PCSK5: variants seen among roughly 807,000 people sequenced by gnomAD.
The protein encoded by PCSK5 is prohormone convertase 5.
In PCSK5, 129 loss-of-function variants were observed where a neutral mutation model predicts 233.2. The observed-to-expected ratio is 0.55, with a 90% confidence interval of 0.48 to 0.64. The LOEUF (loss-of-function observed/expected upper bound fraction) is 0.64, where lower values mean the gene tolerates loss of function less well. Among genes scored for constraint, PCSK5 ranks in the 30% least tolerant of loss-of-function variants. The pLI is 0.00. For missense variants in PCSK5, 2,076 were observed against 2,430.1 expected (o/e 0.85, Z 3.06); for synonymous variants, 825 against 879.2 (o/e 0.94, Z 1.09).
At chr9:76,020,728 G>A (rs1002638734) in intron 3 of PCSK5, among the ~76,000 whole-genome samples, 2 of 152,310 alleles carry the variant, frequency 1.3e-5, no homozygotes, top group Admixed American at 6.5e-5. Context: ...CATGTTTTCC[G>A]TAGACGGCTG....
At position 76,160,443 on chromosome 9, in the gene PCSK5, T is replaced by C. The variant is rs766847636; in HGVS notation, c.1619+1272T>C. On this transcript the variant is annotated intron_variant, in intron 12 of 37. Transcript: ENST00000674117. Reference sequence around the variant, plus strand: ...AAGCCTAAAGCTTCTTTGATTTTTTTTTCTCTCAGAAGAACATTTAATGGG... The same window carrying C: ...AAGCCTAAAGCTTCTTTGATTTTTTCTTCTCTCAGAAGAACATTTAATGGG... 4.1e-4 allele frequency among the ~76,000 whole-genome samples: 63 copies of C among 152,332 alleles called. 1 individual carries two copies. Among genetic ancestry groups the C allele is most frequent in the Non-Finnish European group, 6.6e-4 (45 of 68,036 alleles).
intron 22 of PCSK5, among the ~76,000 whole-genome samples, chr9:76,237,662 G>T (rs1826293594): frequency 6.6e-6 from 1 of 151,956 alleles, no homozygotes. Flanking sequence ...TGTGGTTCTA[G>T]CTACTTGAAA....
chr9:76,035,397 T>A lies in PCSK5; in HGVS notation c.632+8360T>A, dbSNP rs117612278. ...CTTTGTAAAACAATGCATTAATTAT[T>A]CCCAGGCTCGTAATCATGATGATGC... On this transcript the variant is annotated intron_variant, in intron 5 of 37. Transcript: ENST00000674117. Among the ~76,000 whole-genome samples the A allele has an allele frequency of 9.4e-3, 1,436 of 152,292 alleles. 6 individuals are homozygous for A. Among genetic ancestry groups the A allele is most frequent in the Middle Eastern group, 0.058 (17 of 294 alleles).
At chr9:75,997,908 C>A (rs1827090643) in intron 3 of PCSK5, among the ~76,000 whole-genome samples, 1 of 152,168 alleles carries the variant, frequency 6.6e-6, no homozygotes, top group Admixed American at 6.5e-5. Flanking sequence ...TGTTCTACTT[C>A]TTTTCTCTTT....
intron 27 of PCSK5, 48 bp downstream of exon 27, chr9:76,296,913 T>A: frequency 8.3e-7 from 1 of 1,202,380 alleles, no homozygotes; most frequent in South Asian, 1.2e-5. Flanking sequence ...CGACCTACTC[T>A]GCTTCCCTCC....
chr9:76,270,951 C>T (rs1361520692), intron 24 of PCSK5, among the ~76,000 whole-genome samples: 2 of 152,040 alleles, frequency 1.3e-5, no homozygotes, highest in East Asian at 1.9e-4. Context: ...GTTTACTCAC[C>T]CCTAAAATGA....
Position 76,332,637 on chromosome 9 carries a change from T to C in PCSK5, c.4748+27T>C, listed in dbSNP as rs758454329. On this transcript the variant is annotated intron_variant, in intron 34 of 37. Transcript: ENST00000674117. ...TAAGTGCTCAATACATTTTCCCCCA[T>C]GTAATTTCACAGCCACAGCAGATAT... 5.3e-6 allele frequency: 8 copies of C among 1,498,472 alleles called. 1 individual carries two copies. The highest frequency in any genetic ancestry group is 4.2e-5 in the African/African-American group (3 of 72,094). 92.8% of individuals were successfully genotyped at this position (1,498,472 alleles called of 1,614,324 possible). A position where few individuals can be genotyped will look rare whatever the true frequency, so the allele number is the denominator to read the frequency against.
At chr9:76,312,625 GA>G (rs1489257300) in intron 30 of PCSK5, among the ~76,000 whole-genome samples, 2 of 151,718 alleles carry the variant, frequency 1.3e-5, no homozygotes, top group African/African-American at 2.4e-5. Context: ...TATAAATATA[GA>G]GTATAAATAT....
intron 28 of PCSK5, among the ~76,000 whole-genome samples, chr9:76,303,546 G>A (rs988251919): frequency 6.6e-6 from 1 of 152,118 alleles, no homozygotes; most frequent in Non-Finnish European, 1.5e-5. Flanking sequence ...CTGAAGCCTG[G>A]ACATAGAACA....
At position 76,359,104 on chromosome 9, in the gene PCSK5, A is replaced by C; in HGVS notation, c.*182A>C. ...ACTTTGTTCTTCTTTTGAGTGGCTA[A>C]ACTCAATTAACAGTTCCTGTTCAAC... is the stretch of plus-strand genomic sequence containing the variant. On this transcript the variant is annotated 3_prime_UTR_variant, in exon 38 of 38. Coordinates refer to ENST00000674117, the MANE Select transcript of PCSK5 (RefSeq NM_001372043.1). 1.7e-6 allele frequency: 1 copy of C among 587,298 alleles called. No homozygotes were observed. The highest frequency in any genetic ancestry group is 3.0e-6 in the Non-Finnish European group (1 of 331,288). The allele number at this position is 587,298 out of a possible 1,614,324, so 36.4% of individuals were successfully genotyped here.
At chr9:76,099,740 C>T (rs778888755) in intron 8 of PCSK5, among the ~76,000 whole-genome samples, 6 of 152,142 alleles carry the variant, frequency 3.9e-5, no homozygotes, top group African/African-American at 7.2e-5. Flanking sequence ...CCTTTGGTCC[C>T]TCGGTGATGC....
chr9:76,039,847 G>A (rs1393695406), intron 5 of PCSK5, among the ~76,000 whole-genome samples: 1 of 152,138 alleles, frequency 6.6e-6, no homozygotes, highest in Non-Finnish European at 1.5e-5. Flanking sequence ...ACTCAGTAAA[G>A]ACTAAATAGA....
intron 23 of PCSK5, among the ~76,000 whole-genome samples, chr9:76,239,451 T>G (rs1423456477): frequency 6.6e-6 from 1 of 151,876 alleles, no homozygotes; most frequent in Non-Finnish European, 1.5e-5. Flanking sequence ...TCCCAGCACT[T>G]TGGGAGGCTG....
chr9:75,957,472 G>A lies in PCSK5; in HGVS notation c.297+24989G>A, dbSNP rs533076391. 3.3e-5 allele frequency among the ~76,000 whole-genome samples: 5 copies of A among 152,150 alleles called. No individual in the cohort carries two copies. In the South Asian group the frequency reaches 1.0e-3, roughly 32 times the overall value. ...AAATTTCCTACACTTGATGACTTGT[G>A]GGTATAGCAAAGAATCAGAAGTTGT... On this transcript the variant is annotated intron_variant, in intron 2 of 37. Transcript: ENST00000674117.
At chr9:76,230,375 A>G (rs1472588627) in intron 21 of PCSK5, among the ~76,000 whole-genome samples, 1 of 152,248 alleles carries the variant, frequency 6.6e-6, no homozygotes, top group Non-Finnish European at 1.5e-5. Flanking sequence ...AGTCAAAAAG[A>G]CAGCCCCTTT....
At chr9:76,323,981 G>A (rs568883219) in intron 32 of PCSK5, among the ~76,000 whole-genome samples, 19 of 147,800 alleles carry the variant, frequency 1.3e-4, no homozygotes, top group African/African-American at 3.5e-4. Flanking sequence ...GCTAGAGTGC[G>A]GTGGCACGAT....
At chr9:76,241,854 A>G (rs1360594853) in intron 24 of PCSK5, among the ~76,000 whole-genome samples, 1 of 152,176 alleles carries the variant, frequency 6.6e-6, no homozygotes, top group Non-Finnish European at 1.5e-5. Flanking sequence ...TTGGTTGACT[A>G]ATCAACCACT....
intron 8 of PCSK5, among the ~76,000 whole-genome samples, chr9:76,106,232 A>G (rs73456432): frequency 0.012 from 1,893 of 152,290 alleles, 44 homozygotes; most frequent in African/African-American, 0.043. Context: ...AATAACTTCA[A>G]TGAGACCACT....
intron 10 of PCSK5, among the ~76,000 whole-genome samples, chr9:76,151,787 C>T (rs1226826696): frequency 6.6e-6 from 1 of 152,184 alleles, no homozygotes; most frequent in Non-Finnish European, 1.5e-5. Flanking sequence ...TTTATACTTA[C>T]AGTAATTATG....
Sources: allele counts gnomAD v4.1 joint callset (sites outside exome capture counted in the v4.1 genomes callset), GRCh38; gene constraint gnomAD v4.1.1; transcripts MANE v1.5; gene names NCBI Gene and HGNC (gene_info 2026-07-23, HGNC 2026-07-21).